C16orf87: variants seen among roughly 807,000 people sequenced by gnomAD.
C16orf87 encodes the protein UPF0547 protein C16orf87.
A neutral mutation model predicts 21.0 loss-of-function variants in C16orf87; 13 were observed. That is an observed-to-expected ratio of 0.62 (90% CI 0.40 to 0.98). The LOEUF (loss-of-function observed/expected upper bound fraction) is 0.98, where lower values mean the gene tolerates loss of function less well. Among genes scored for constraint, C16orf87 ranks in the 50% least tolerant of loss-of-function variants. The probability of loss-of-function intolerance (pLI) is 0.00; values close to 1 mark genes in which losing one functional copy is unlikely to be tolerated. For missense variants in C16orf87, 113 were observed against 180.4 expected, an observed-to-expected ratio of 0.63 and a Z score of 2.14; for synonymous variants, 49 against 60.2, an observed-to-expected ratio of 0.81 and a Z score of 0.86.
At chr16:46,829,894 A>C (rs1047013582) in intron 1 of C16orf87, among the ~76,000 whole-genome samples, 5 of 151,446 alleles carry the variant, frequency 3.3e-5, no homozygotes, top group African/African-American at 1.2e-4. Context: ...CAGCTTATTA[A>C]AAAGTCTCCA....
chr16:46,829,847 A>C lies in C16orf87; in HGVS notation c.66+1237T>G, dbSNP rs564782355. 3.9e-5 allele frequency among the ~76,000 whole-genome samples: 6 copies of C among 152,070 alleles called. No homozygotes were observed. The East Asian group carries it at 5.8e-4, about 15-fold the overall frequency. ...ATGTTTTCTGTTAAAAGATTTGAAA[A>C]ACCTACAAGAATTCTCCTTGAAAAA... is the stretch of plus-strand genomic sequence containing the variant. On this transcript the variant is annotated intron_variant, in intron 1 of 3. Coordinates refer to ENST00000285697, the MANE Select transcript of C16orf87 (RefSeq NM_001001436.4).
chr16:46,829,991 A>C (rs958065064), intron 1 of C16orf87, among the ~76,000 whole-genome samples: 7 of 151,602 alleles, frequency 4.6e-5, no homozygotes, highest in African/African-American at 1.7e-4. Context: ...GAAAAAATCC[A>C]CTCAGTGGAA....
Position 46,799,631 on chromosome 16 carries a change from T to C in C16orf87, c.*3321A>G, listed in dbSNP as rs1355697680. On this transcript the variant is annotated 3_prime_UTR_variant, in exon 4 of 4. Transcript: ENST00000285697. ...AGAATGACTACCTGTATCTAGAGCA[T>C]ATTTTGAAAGTGGAATCAAACAAAT... is the stretch of plus-strand genomic sequence containing the variant. 1 of 152,238 alleles carries C rather than the reference T, an allele frequency of 6.6e-6. No homozygotes were observed. Among genetic ancestry groups the C allele is most frequent in the Non-Finnish European group, 1.5e-5 (1 of 68,040 alleles). 9.4% of individuals were successfully genotyped at this position (152,238 alleles called of 1,614,324 possible).
At chr16:46,820,381 T>C (rs762236303) in intron 2 of C16orf87, among the ~76,000 whole-genome samples, 1 of 152,206 alleles carries the variant, frequency 6.6e-6, no homozygotes, top group Non-Finnish European at 1.5e-5. Context: ...TATCTATCCA[T>C]TTATGTATTT....
At chr16:46,806,225 TC>T (rs1403028229) in intron 3 of C16orf87, among the ~76,000 whole-genome samples, 1 of 151,724 alleles carries the variant, frequency 6.6e-6, no homozygotes, top group Non-Finnish European at 1.5e-5. Flanking sequence ...GTTTCTTCAA[TC>T]CACAATCTTC....
chr16:46,825,914 CAAAAAAA>C (rs918103053), intron 1 of C16orf87, among the ~76,000 whole-genome samples: 8 of 75,450 alleles, frequency 1.1e-4, no homozygotes, highest in Non-Finnish European at 2.1e-4. Flanking sequence ...GACTCTGTCT[CAAAAAAA>C]AAAAAAAAAA....
In C16orf87 at chr16:46,799,256, T is replaced by TA. The variant is rs755391303; in HGVS notation, c.*3695dup. ...AATATTCAAACTATAATAAATGGGT[T>TA]AAGGCAGCACAAAAGAATAATTTAA... On this transcript the variant is annotated 3_prime_UTR_variant, in exon 4 of 4. Coordinates refer to ENST00000285697, the MANE Select transcript of C16orf87 (RefSeq NM_001001436.4). The TA allele has an allele frequency of 8.5e-5, 13 of 152,064 alleles. No homozygotes were observed. The highest frequency in any genetic ancestry group is 1.9e-4 in the Non-Finnish European group (13 of 68,004). The allele number at this position is 152,064 out of a possible 1,614,324, so 9.4% of individuals were successfully genotyped here.
At chr16:46,823,908 T>C (rs1959517481) in intron 2 of C16orf87, among the ~76,000 whole-genome samples, 1 of 152,164 alleles carries the variant, frequency 6.6e-6, no homozygotes, top group Non-Finnish European at 1.5e-5. Context: ...TGTGGTTACC[T>C]GGGGTGGAGG....
At chr16:46,807,964 C>T (rs1281188715) in intron 3 of C16orf87, 1 of 451,616 alleles carries the variant, frequency 2.2e-6, no homozygotes, top group Admixed American at 2.4e-5. Context: ...TCTTCTCTCA[C>T]CCACCACCAG....
At chr16:46,826,225 A>T (rs927317478) in intron 1 of C16orf87, among the ~76,000 whole-genome samples, 7 of 152,170 alleles carry the variant, frequency 4.6e-5, no homozygotes, top group East Asian at 3.8e-4. Context: ...CATTGAAAAA[A>T]TTTTTTAGTT....
At chr16:46,829,050 A>G (rs1199458321) in intron 1 of C16orf87, among the ~76,000 whole-genome samples, 1 of 152,154 alleles carries the variant, frequency 6.6e-6, no homozygotes, top group East Asian at 1.9e-4. Context: ...TGAAGCCTTA[A>G]CCGCAATGTG....
intron 1 of C16orf87, among the ~76,000 whole-genome samples, chr16:46,828,604 T>G (rs1959719589): frequency 6.6e-6 from 1 of 152,202 alleles, no homozygotes; most frequent in Admixed American, 6.5e-5. Flanking sequence ...AAATCTAGCT[T>G]TTTCTTCTTT....
chr16:46,821,512 TC>T (rs1295108633), intron 2 of C16orf87, among the ~76,000 whole-genome samples: 1 of 152,206 alleles, frequency 6.6e-6, no homozygotes, highest in African/African-American at 2.4e-5. Context: ...CTTCAATGTT[TC>T]ATCTTCACTT....
chr16:46,812,124 G>A (rs1243179946), intron 2 of C16orf87, among the ~76,000 whole-genome samples: 1 of 152,096 alleles, frequency 6.6e-6, no homozygotes, highest in Non-Finnish European at 1.5e-5. Flanking sequence ...TGCGCCTGTA[G>A]TCCCAACTAC....
At chr16:46,830,296 GAGAGAGAGAGAGAC>G (rs1455452175) in intron 1 of C16orf87, among the ~76,000 whole-genome samples, 1 of 146,562 alleles carries the variant, frequency 6.8e-6, no homozygotes, top group Non-Finnish European at 1.5e-5. Flanking sequence ...GAGAGAGAGA[GAGAGAGAGAGAGAC>G]ACACAGAGAC....
chr16:46,805,039 TATG>T (rs1967885826), intron 3 of C16orf87, among the ~76,000 whole-genome samples: 1 of 152,224 alleles, frequency 6.6e-6, no homozygotes, highest in East Asian at 1.9e-4. Context: ...AGATATGAGA[TATG>T]ATGACGAACT....
intron 2 of C16orf87, among the ~76,000 whole-genome samples, chr16:46,814,826 A>C (rs1968193312): frequency 6.6e-6 from 1 of 152,216 alleles, no homozygotes. Flanking sequence ...GAGATCTGAA[A>C]GGAGATTATC....
chr16:46,820,844 T>C lies in C16orf87; in HGVS notation c.163+3542A>G, dbSNP rs183635199. ...CAGTATGAGACTATCCATTTTGCCA[T>C]ACTCATGAAAGTACTTAGAAATTCT... On this transcript the variant is annotated intron_variant, in intron 2 of 3. Coordinates refer to ENST00000285697, the MANE Select transcript of C16orf87 (RefSeq NM_001001436.4). 3.8e-3 allele frequency among the ~76,000 whole-genome samples: 574 copies of C among 152,362 alleles called. 3 individuals carry two copies. The highest frequency in any genetic ancestry group is 6.4e-3 in the Non-Finnish European group (433 of 68,032).
intron 2 of C16orf87, among the ~76,000 whole-genome samples, chr16:46,816,815 G>A (rs1252770060): frequency 6.6e-6 from 1 of 152,074 alleles, no homozygotes; most frequent in Admixed American, 6.5e-5. Context: ...AAGGTTTCCA[G>A]AAAGATTTTT....
Sources: allele counts gnomAD v4.1 joint callset (sites outside exome capture counted in the v4.1 genomes callset), GRCh38; gene constraint gnomAD v4.1.1; transcripts MANE v1.5; gene names NCBI Gene and HGNC (gene_info 2026-07-23, HGNC 2026-07-21).